The following PHACTR1 variants were observed in gnomAD, a reference collection of about 807,000 sequenced individuals.
PHACTR1 encodes phosphatase and actin regulator 1.
A neutral mutation model predicts 69.2 loss-of-function variants in PHACTR1; 16 were observed. That is an observed-to-expected ratio of 0.23 (90% CI 0.16 to 0.35). The LOEUF is 0.35. Among genes scored for constraint, PHACTR1 ranks in the 10% least tolerant of loss-of-function variants. The probability of loss-of-function intolerance (pLI) is 1.00; values close to 1 mark genes in which losing one functional copy is unlikely to be tolerated. For synonymous variants in PHACTR1, 312 were observed against 284.5 expected (o/e 1.10, Z -0.97); for missense variants, 510 against 734.7 (o/e 0.69, Z 3.54).
chr6:12,779,527 TTAAA>T (rs10691503), intron 4 of PHACTR1, among the ~76,000 whole-genome samples: 56,391 of 151,130 alleles, frequency 0.37, 11,189 homozygotes, highest in African/African-American at 0.5. Context: ...TGACCGCTTC[TTAAA>T]TAAATAAATA....
intron 4 of PHACTR1, among the ~76,000 whole-genome samples, chr6:12,925,283 A>G (rs1277863764): frequency 2.0e-5 from 3 of 152,234 alleles, no homozygotes; most frequent in Non-Finnish European, 2.9e-5. Flanking sequence ...CTATAGGTTC[A>G]AAGTAAATTT....
At chr6:13,007,658 C>CTTTT (rs55855505) in intron 4 of PHACTR1, among the ~76,000 whole-genome samples, 1 of 111,598 alleles carries the variant, frequency 9.0e-6, no homozygotes, top group African/African-American at 3.2e-5. Flanking sequence ...TTTGGAGATC[C>CTTTT]TTTTTTTTTT....
At chr6:13,095,458 C>T (rs996143833) in intron 5 of PHACTR1, among the ~76,000 whole-genome samples, 4 of 152,122 alleles carry the variant, frequency 2.6e-5, no homozygotes, top group East Asian at 1.9e-4. Context: ...GTAAAATAGA[C>T]GTGGTCTCTA....
chr6:13,196,250 AGGGAAAGGAGG>A (rs1764396444), intron 7 of PHACTR1, among the ~76,000 whole-genome samples: 1 of 128,852 alleles, frequency 7.8e-6, no homozygotes, highest in Admixed American at 7.3e-5. Flanking sequence ...GGTGCTGTCA[AGGGAAAGGAGG>A]CATTTTTATC....
chr6:12,925,954 CCTAT>C (rs1487331962), intron 4 of PHACTR1, among the ~76,000 whole-genome samples: 42 of 152,366 alleles, frequency 2.8e-4, no homozygotes, highest in Middle Eastern at 6.8e-3. Context: ...GCCATTATCA[CCTAT>C]CTCTTTTCCT....
At chr6:12,817,507 A>C (rs1775720139) in intron 4 of PHACTR1, among the ~76,000 whole-genome samples, 1 of 152,228 alleles carries the variant, frequency 6.6e-6, no homozygotes, top group African/African-American at 2.4e-5. Flanking sequence ...CAGTTTTTTA[A>C]ACAGGAAAAT....
At chr6:13,249,797 CAAAAAAA>C (rs5874406) in intron 10 of PHACTR1, among the ~76,000 whole-genome samples, 2 of 79,898 alleles carry the variant, frequency 2.5e-5, no homozygotes, top group Admixed American at 1.3e-4. Context: ...AACTCCGTCT[CAAAAAAA>C]AAAAAAAAAA....
chr6:12,960,273 G>T lies in PHACTR1; in HGVS notation c.251-93092G>T, dbSNP rs185425888. Among the ~76,000 whole-genome samples, 3 of 152,312 alleles carry T rather than the reference G, an allele frequency of 2.0e-5. No individual in the cohort carries two copies. The East Asian group carries it at 5.8e-4, about 29-fold the overall frequency. On this transcript the variant is annotated intron_variant, in intron 4 of 14. Transcript: ENST00000332995. ...ACACTTAGTGCCTGAAAAAGTACTT[G>T]CTATTATTGTTGTTATCATTTATGG... is the stretch of plus-strand genomic sequence containing the variant.
intron 4 of PHACTR1, among the ~76,000 whole-genome samples, chr6:12,782,785 C>A (rs1478404129): frequency 6.6e-6 from 1 of 152,082 alleles, no homozygotes; most frequent in Non-Finnish European, 1.5e-5. Context: ...GGATGGCACC[C>A]TGATTACGGG....
At chr6:12,987,611 A>G (rs561221673) in intron 4 of PHACTR1, among the ~76,000 whole-genome samples, 7 of 152,186 alleles carry the variant, frequency 4.6e-5, no homozygotes, top group African/African-American at 1.7e-4. Context: ...ATCTTCAAGC[A>G]GAATGATGGG....
chr6:13,044,267 G>A (rs1012208268), intron 4 of PHACTR1, among the ~76,000 whole-genome samples: 1 of 152,034 alleles, frequency 6.6e-6, no homozygotes, highest in Non-Finnish European at 1.5e-5. Flanking sequence ...TAATAGGATC[G>A]TTTCTTCTCA....
intron 4 of PHACTR1, among the ~76,000 whole-genome samples, chr6:12,876,757 A>C (rs540978493): frequency 1.4e-3 from 211 of 152,330 alleles, no homozygotes; most frequent in Admixed American, 3.3e-3. Context: ...GATATAGATT[A>C]GATATAGGTA....
intron 4 of PHACTR1, among the ~76,000 whole-genome samples, chr6:12,826,288 C>CA (rs1190716831): frequency 1.3e-5 from 2 of 152,054 alleles, no homozygotes; most frequent in South Asian, 2.1e-4. Flanking sequence ...TCCCCCTACA[C>CA]AAAAAAGTAA....
intron 4 of PHACTR1, among the ~76,000 whole-genome samples, chr6:12,892,550 A>G: frequency 6.6e-6 from 1 of 152,228 alleles, no homozygotes; most frequent in East Asian, 1.9e-4. Context: ...TGTTGACATA[A>G]TAATATGGTC....
At chr6:13,216,970 G>A (rs1473703310) in intron 8 of PHACTR1, among the ~76,000 whole-genome samples, 1 of 152,036 alleles carries the variant, frequency 6.6e-6, no homozygotes, top group Non-Finnish European at 1.5e-5. Context: ...ATCTGCTTTT[G>A]ATTTTTTTTG....
At chr6:12,946,851 C>T (rs1175844869) in intron 4 of PHACTR1, among the ~76,000 whole-genome samples, 1 of 115,278 alleles carries the variant, frequency 8.7e-6, no homozygotes, top group East Asian at 2.6e-4. Context: ...CTTGCTCTGT[C>T]GCTCAGGCTG....
rs752970665 is a variant in PHACTR1, at chr6:12,834,190, G to A, written c.250+84400G>A. Among the ~76,000 whole-genome samples the A allele has an allele frequency of 9.2e-5, 14 of 152,076 alleles. 1 individual carries two copies. Among genetic ancestry groups the A allele is most frequent in the Non-Finnish European group, 1.2e-4 (8 of 67,996 alleles). ...CTTTACTTATTCTTTCCATTGATGC[G>A]TATCACTAGAACAATGTCTAGCACA... is the stretch of plus-strand genomic sequence containing the variant. On this transcript the variant is annotated intron_variant, in intron 4 of 14. Transcript: ENST00000332995.
At chr6:13,160,163 A>G in intron 5 of PHACTR1, 41 bp from the exon 6 acceptor site, 1 of 1,549,896 alleles carries the variant, frequency 6.5e-7, no homozygotes, top group Non-Finnish European at 8.9e-7. Flanking sequence ...CAACTTTGTT[A>G]CCTACTCACA....
At chr6:12,819,483 G>A (rs916595313) in intron 4 of PHACTR1, among the ~76,000 whole-genome samples, 1 of 152,070 alleles carries the variant, frequency 6.6e-6, no homozygotes, top group African/African-American at 2.4e-5. Flanking sequence ...AGTAAGGTAG[G>A]AGTTAGGAAA....
Sources: gnomAD v4.1 joint callset for allele counts (sites outside exome capture counted in the v4.1 genomes callset) on GRCh38, gnomAD v4.1.1 for gene constraint, MANE v1.5 for transcripts, NCBI Gene and HGNC (gene_info 2026-07-23, HGNC 2026-07-21) for gene names.